Variants in EIF2AK4 observed in about 807,000 individuals in gnomAD.
EIF2AK4 encodes eIF-2-alpha kinase GCN2.
Under a neutral mutation model 211.1 loss-of-function variants are expected in EIF2AK4, and 139 were observed. The ratio of observed to expected loss-of-function variants is 0.66; its 90% confidence interval spans 0.57 to 0.76. EIF2AK4 has a LOEUF of 0.76. Among genes scored for constraint, EIF2AK4 ranks in the 30% least tolerant of loss-of-function variants. EIF2AK4 has a pLI of 0.00. For synonymous variants in EIF2AK4, 710 were observed against 751.3 expected (o/e 0.94, Z 0.90); for missense variants, 1,664 against 2,043.8 (o/e 0.81, Z 3.58).
intron 33 of EIF2AK4, 117 bp from the exon 34 acceptor site, chr15:40,029,289 A>G: frequency 7.1e-7 from 1 of 1,405,754 alleles, no homozygotes; most frequent in Non-Finnish European, 9.3e-7. Context: ...AATAACCAAG[A>G]AGATGTTTTT....
At chr15:39,983,804 C>T (rs966122925) in intron 13 of EIF2AK4, among the ~76,000 whole-genome samples, 5 of 152,210 alleles carry the variant, frequency 3.3e-5, no homozygotes, top group Admixed American at 6.5e-5. Context: ...TGTAGGTTGC[C>T]TGTTCACTCT....
chr15:40,030,159 A>C (rs2035520186), intron 34 of EIF2AK4, among the ~76,000 whole-genome samples, 200 bp from the exon 35 acceptor site: 1 of 152,144 alleles, frequency 6.6e-6, no homozygotes, highest in African/African-American at 2.4e-5. Flanking sequence ...AGAAGCATCA[A>C]AACTGCTGGG....
intron 6 of EIF2AK4, 125 bp downstream of exon 6, chr15:39,955,893 T>C: frequency 1.1e-6 from 1 of 891,326 alleles, no homozygotes; most frequent in Non-Finnish European, 1.6e-6. Flanking sequence ...TCAAACCTTA[T>C]ATATCTTAAT....
chr15:39,971,262 A>C lies in EIF2AK4; in HGVS notation c.1554-1646A>C, dbSNP rs140869945. On this transcript the variant is annotated intron_variant, in intron 9 of 38. Coordinates refer to ENST00000263791, the MANE Select transcript of EIF2AK4 (RefSeq NM_001013703.4). ...AGCACAGCAGGGCGTGATACCTCAC[A>C]CCTGTAATCCCAGCACTTTGGGAGG... is the stretch of plus-strand genomic sequence containing the variant. 1.0e-2 allele frequency among the ~76,000 whole-genome samples: 1,521 copies of C among 152,284 alleles called. 20 individuals are homozygous for C. Among genetic ancestry groups the C allele is most frequent in the African/African-American group, 0.035 (1,440 of 41,552 alleles).
chr15:40,033,197 A>G (rs139049154), intron 37 of EIF2AK4, among the ~76,000 whole-genome samples: 135 of 152,320 alleles, frequency 8.9e-4, no homozygotes, highest in African/African-American at 3.1e-3. Flanking sequence ...GAGGTTAAAT[A>G]TCTTACCCAC....
chr15:40,006,119 G>C (rs983168433), intron 23 of EIF2AK4, among the ~76,000 whole-genome samples: 3 of 152,054 alleles, frequency 2.0e-5, no homozygotes, highest in Non-Finnish European at 4.4e-5. Context: ...CTTTTTGGAG[G>C]GGGGAGTGGA....
At chr15:39,976,012 TG>T (rs1391840036) in intron 11 of EIF2AK4, among the ~76,000 whole-genome samples, 1 of 152,114 alleles carries the variant, frequency 6.6e-6, no homozygotes, top group Non-Finnish European at 1.5e-5. Context: ...TGACTTTAAG[TG>T]TAAAAAAAAA....
chr15:40,029,480 A>G lies in EIF2AK4; in HGVS notation c.4561+16A>G. The stretch of plus-strand genomic sequence containing the variant: ...AATGCTTCAGGTATAATTACTAATT[A>G]TAATCTGAACATAATGATGCTTATA... On this transcript the variant is annotated intron_variant, in intron 34 of 38. Transcript: ENST00000263791. 1 of 1,611,410 alleles carries G rather than the reference A, an allele frequency of 6.2e-7. No individual in the cohort carries two copies.
intron 10 of EIF2AK4, among the ~76,000 whole-genome samples, 181 bp from the exon 11 acceptor site, chr15:39,973,411 A>G (rs1047953005): frequency 2.0e-5 from 3 of 152,166 alleles, no homozygotes; most frequent in African/African-American, 4.8e-5. Flanking sequence ...CTAATTATAT[A>G]TTTCTGCCTA....
chr15:39,951,004 G>C (rs2034302327), intron 4 of EIF2AK4, among the ~76,000 whole-genome samples: 1 of 152,052 alleles, frequency 6.6e-6, no homozygotes, highest in East Asian at 1.9e-4. Context: ...ACACATGAAT[G>C]AAAATAGAAA....
chr15:40,027,049 A>G (rs948996881), intron 33 of EIF2AK4, among the ~76,000 whole-genome samples: 2 of 152,210 alleles, frequency 1.3e-5, no homozygotes, highest in African/African-American at 4.8e-5. Context: ...AAACATAAAC[A>G]TTTTAAATAT....
intron 3 of EIF2AK4, among the ~76,000 whole-genome samples, chr15:39,944,427 G>T (rs1463462796): frequency 3.5e-5 from 4 of 114,474 alleles, no homozygotes; most frequent in African/African-American, 1.5e-4. Flanking sequence ...TATGTTTAAC[G>T]ATCTCTTTTT....
chr15:39,987,093 A>G (rs2034876655), intron 14 of EIF2AK4, among the ~76,000 whole-genome samples: 1 of 152,200 alleles, frequency 6.6e-6, no homozygotes, highest in African/African-American at 2.4e-5. Flanking sequence ...TCCGTAACAT[A>G]AATATCTTTG....
chr15:40,019,979 C>T (rs1011664958), intron 30 of EIF2AK4, among the ~76,000 whole-genome samples: 2 of 151,798 alleles, frequency 1.3e-5, no homozygotes, highest in Non-Finnish European at 2.9e-5. Flanking sequence ...GGCAACATAG[C>T]AAAACCCCAT....
In EIF2AK4 at chr15:40,017,504, TATATATATATATATATA is replaced by T. The variant is rs1567006763; in HGVS notation, c.4065+263_4065+279del. 0.087 allele frequency among the ~76,000 whole-genome samples: 7,049 copies of T among 81,030 alleles called. 1,094 individuals are homozygous for T. Among genetic ancestry groups the T allele is most frequent in the African/African-American group, 0.18 (3,933 of 21,314 alleles). 53.2% of individuals were successfully genotyped at this position (81,030 alleles called of 152,430 possible). ...TCATGTACCCTTTACTCTGTTTCTA[TATATATATATATATATA>T]TATATATATATATATATATATATAT... On this transcript the variant is annotated intron_variant, in intron 29 of 38. Transcript: ENST00000263791.
chr15:39,965,616 C>T (rs772659961), intron 7 of EIF2AK4, 70 bp from the exon 8 acceptor site: 18 of 1,553,878 alleles, frequency 1.2e-5, no homozygotes, highest in African/African-American at 2.7e-5. Flanking sequence ...TGTGTATTAC[C>T]CCCTCCCTTC....
intron 3 of EIF2AK4, among the ~76,000 whole-genome samples, chr15:39,945,784 G>A (rs1279876607): frequency 1.3e-5 from 2 of 152,190 alleles, no homozygotes; most frequent in African/African-American, 4.8e-5. Flanking sequence ...CTTTTCAAAA[G>A]TTGAGGCCAG....
intron 18 of EIF2AK4, among the ~76,000 whole-genome samples, chr15:39,995,861 A>G (rs370199036): frequency 1.3e-5 from 2 of 152,196 alleles, no homozygotes; most frequent in East Asian, 3.8e-4. Context: ...TTTTTTGTGT[A>G]TGGTAAGAAC....
At chr15:39,992,395 T>C in intron 17 of EIF2AK4, 166 bp downstream of exon 17, 1 of 566,410 alleles carries the variant, frequency 1.8e-6, no homozygotes, top group Non-Finnish European at 3.0e-6. Flanking sequence ...CCTTTTCAAT[T>C]TATGAATTAT....
Sources: allele counts gnomAD v4.1 joint callset (sites outside exome capture counted in the v4.1 genomes callset), GRCh38; gene constraint gnomAD v4.1.1; transcripts MANE v1.5; gene names NCBI Gene and HGNC (gene_info 2026-07-23, HGNC 2026-07-21).